CPB1: variants seen among roughly 807,000 people sequenced by gnomAD.
CPB1 encodes the protein carboxypeptidase B1.
A neutral mutation model predicts 51.4 loss-of-function variants in CPB1; 53 were observed. That is an observed-to-expected ratio of 1.03 (90% CI 0.83 to 1.30). The LOEUF is 1.30. Among genes scored for constraint, CPB1 ranks in the 50% most tolerant of loss-of-function variants. The probability of loss-of-function intolerance (pLI) is 0.00; values close to 1 mark genes in which losing one functional copy is unlikely to be tolerated. For missense variants in CPB1, 494 were observed against 516.2 expected, an observed-to-expected ratio of 0.96 and a Z score of 0.42; for synonymous variants, 189 against 186.9, an observed-to-expected ratio of 1.01 and a Z score of -0.09.
Position 148,834,530 on chromosome 3 carries a change from A to G in CPB1, c.180A>G (p.Gln60=). 6.2e-7 allele frequency: 1 copy of G among 1,613,772 alleles called. No individual in the cohort carries two copies. Among genetic ancestry groups the G allele is most frequent in the East Asian group, 2.2e-5 (1 of 44,878 alleles). The stretch of plus-strand genomic sequence containing the variant: ...TCTGGAAGCCAGATTCTGTCACACA[A>G]ATCAAACCTCACAGTACAGTTGACT... ...IDFWKPDSVT[Q]IKPHSTVDFR... The change falls in exon 3 of 11, where the codon CAA becomes CAG. Residue 60 remains glutamine, a synonymous_variant. Transcript: ENST00000282957.
At chr3:148,848,138 C>G (rs903313801) in intron 9 of CPB1, among the ~76,000 whole-genome samples, 1 of 152,104 alleles carries the variant, frequency 6.6e-6, no homozygotes, top group Non-Finnish European at 1.5e-5. Context: ...ACTTCCAGAG[C>G]ACATTTTGCT....
chr3:148,832,231 T>C (rs1466861862), intron 2 of CPB1, among the ~76,000 whole-genome samples: 1 of 152,186 alleles, frequency 6.6e-6, no homozygotes, highest in African/African-American at 2.4e-5. Context: ...TTCTAATATT[T>C]GGCAGAGCTA....
At chr3:148,836,750 T>C (rs1712917457) in intron 3 of CPB1, among the ~76,000 whole-genome samples, 1 of 152,136 alleles carries the variant, frequency 6.6e-6, no homozygotes, top group African/African-American at 2.4e-5. Context: ...TCCCTGGAAA[T>C]CCTGGAGAAG....
chr3:148,847,372 T>TAAAAAAAAAAAAAAAAAAAAAAAAA, intron 9 of CPB1, among the ~76,000 whole-genome samples: 1 of 86,718 alleles, frequency 1.2e-5, no homozygotes, highest in Non-Finnish European at 2.1e-5. Context: ...AAATCATTCT[T>TAAAAAAAAAAAAAAAAAAAAAAAAA]AAAAAAAAAA....
At chr3:148,831,707 C>T (rs939811585) in intron 2 of CPB1, among the ~76,000 whole-genome samples, 35 of 152,102 alleles carry the variant, frequency 2.3e-4, no homozygotes, top group Non-Finnish European at 1.9e-4. Context: ...CTATATGGTT[C>T]TTTGTCACAT....
Position 148,845,533 on chromosome 3 carries a change from C to T in CPB1, c.888C>T (p.Ser296=). The T allele has an allele frequency of 6.2e-7, 1 of 1,613,938 alleles. No homozygotes were observed. The highest frequency in any genetic ancestry group is 8.5e-7 in the Non-Finnish European group (1 of 1,179,858). ...ATTTCATCCGCAACAAACTCTCTTCCATCAAGGCATATCTGACAATCCACT... is the reference window on the plus strand; with the variant it reads ...ATTTCATCCGCAACAAACTCTCTTCTATCAAGGCATATCTGACAATCCACT... The part of the protein sequence containing the change: ...LADFIRNKLS[S]IKAYLTIHSY... The change falls in exon 9 of 11, where the codon TCC becomes TCT. Residue 296 remains serine, a synonymous_variant. Transcript: ENST00000282957.
chr3:148,843,391 C>T (rs747335801), intron 6 of CPB1, among the ~76,000 whole-genome samples: 3 of 151,840 alleles, frequency 2.0e-5, no homozygotes, highest in Non-Finnish European at 2.9e-5. Flanking sequence ...TTATATACAA[C>T]ATAATTTTTG....
chr3:148,843,213 T>C (rs369303218), intron 6 of CPB1, among the ~76,000 whole-genome samples: 4 of 152,180 alleles, frequency 2.6e-5, no homozygotes, highest in East Asian at 3.8e-4. Context: ...GTATCCATGC[T>C]AATTTATTCA....
chr3:148,830,444 T>C (rs1273815598), intron 2 of CPB1, among the ~76,000 whole-genome samples: 1 of 152,106 alleles, frequency 6.6e-6, no homozygotes, highest in African/African-American at 2.4e-5. Context: ...ACTTCCTCAT[T>C]TGTAAAATGA....
chr3:148,829,419 G>A (rs566433607), intron 2 of CPB1, among the ~76,000 whole-genome samples: 1 of 152,236 alleles, frequency 6.6e-6, no homozygotes, highest in South Asian at 2.1e-4. Flanking sequence ...AACAGTCATA[G>A]AACACTATGA....
chr3:148,840,274 T>C (rs1433469029), intron 3 of CPB1, among the ~76,000 whole-genome samples: 1 of 151,904 alleles, frequency 6.6e-6, no homozygotes, highest in African/African-American at 2.4e-5. Flanking sequence ...GCAAGACTTT[T>C]AGTTCTAAAT....
At chr3:148,836,775 C>G (rs1025356220) in intron 3 of CPB1, among the ~76,000 whole-genome samples, 1 of 152,070 alleles carries the variant, frequency 6.6e-6, no homozygotes, top group African/African-American at 2.4e-5. Flanking sequence ...CCAGCAATAT[C>G]CTTGCTGGGG....
intron 3 of CPB1, among the ~76,000 whole-genome samples, chr3:148,837,974 C>T (rs939902757): frequency 2.6e-5 from 4 of 152,108 alleles, no homozygotes; most frequent in Non-Finnish European, 4.4e-5. Context: ...CTCGGCCAGG[C>T]GAGGTGGCTC....
intron 9 of CPB1, among the ~76,000 whole-genome samples, chr3:148,848,281 T>G (rs1713314655): frequency 6.6e-6 from 1 of 152,082 alleles, no homozygotes; most frequent in South Asian, 2.1e-4. Context: ...GGGAAAAAAA[T>G]GTCTTGGTCT....
intron 6 of CPB1, among the ~76,000 whole-genome samples, chr3:148,843,575 A>G (rs1271692314): frequency 1.3e-5 from 2 of 152,098 alleles, no homozygotes; most frequent in Non-Finnish European, 2.9e-5. Context: ...TTAAAAGAAC[A>G]TGATTGCATA....
At chr3:148,859,576 G>C (rs562971649) in intron 10 of CPB1, among the ~76,000 whole-genome samples, 3 of 152,146 alleles carry the variant, frequency 2.0e-5, no homozygotes, top group Admixed American at 6.5e-5. Flanking sequence ...TACAGATTAC[G>C]TACTTTCTGA....
chr3:148,854,025 G>A (rs1387843221), intron 9 of CPB1: 3 of 152,166 alleles, frequency 2.0e-5, no homozygotes, highest in Non-Finnish European at 4.4e-5. Context: ...TTCAAGATAT[G>A]GACCGAGTTC....
intron 9 of CPB1, among the ~76,000 whole-genome samples, chr3:148,849,896 C>T (rs1713373451): frequency 6.6e-6 from 1 of 152,224 alleles, no homozygotes; most frequent in South Asian, 2.1e-4. Flanking sequence ...TCTAGGCTGC[C>T]TCAATTTCCA....
At chr3:148,836,606 A>G (rs1712913230) in intron 3 of CPB1, among the ~76,000 whole-genome samples, 1 of 152,220 alleles carries the variant, frequency 6.6e-6, no homozygotes, top group Non-Finnish European at 1.5e-5. Context: ...CTTTTTGGGA[A>G]TTGTGTATGA....
Sources: allele counts gnomAD v4.1 joint callset (sites outside exome capture counted in the v4.1 genomes callset), GRCh38; gene constraint gnomAD v4.1.1; transcripts MANE v1.5; gene names NCBI Gene and HGNC (gene_info 2026-07-23, HGNC 2026-07-21).